CDH18: variants seen among roughly 807,000 people sequenced by gnomAD.
The protein encoded by CDH18 is cadherin-18.
CDH18 carries 31 observed loss-of-function variants against 67.9 expected under a neutral mutation model. The ratio of observed to expected loss-of-function variants is 0.46; its 90% confidence interval spans 0.34 to 0.62. The LOEUF is 0.62. Among genes scored for constraint, CDH18 ranks in the 20% least tolerant of loss-of-function variants. The probability of loss-of-function intolerance (pLI) is 0.01; values close to 1 mark genes in which losing one functional copy is unlikely to be tolerated. For synonymous variants in CDH18, 362 were observed against 347.2 expected (o/e 1.04, Z -0.48); for missense variants, 890 against 975.5 (o/e 0.91, Z 1.17).
intron 1 of CDH18, among the ~76,000 whole-genome samples, chr5:20,316,000 T>C (rs1203599014): frequency 6.6e-6 from 1 of 152,054 alleles, no homozygotes; most frequent in Non-Finnish European, 1.5e-5. Context: ...ATGACTAAAC[T>C]CTAGACAAGC....
chr5:20,439,544 T>G, intron 1 of CDH18, among the ~76,000 whole-genome samples: 1 of 151,666 alleles, frequency 6.6e-6, no homozygotes, highest in Admixed American at 6.6e-5. Context: ...TCTAGTTTAT[T>G]AACAGTATAT....
Position 19,962,728 on chromosome 5 carries a change from A to T in CDH18, c.-257+18332T>A, listed in dbSNP as rs570365587. The stretch of plus-strand genomic sequence containing the variant: ...GAGGCGGAGGTTGCAGTGAACCGAG[A>T]TTGCACCACCGCACTGCAGCCTGGG... On this transcript the variant is annotated intron_variant, in intron 2 of 12. Coordinates refer to ENST00000382275, the MANE Select transcript of CDH18 (RefSeq NM_004934.5). Among the ~76,000 whole-genome samples, 3 of 152,078 alleles carry T rather than the reference A, an allele frequency of 2.0e-5. 1 individual carries two copies. The South Asian group carries it at 6.2e-4, about 31-fold the overall frequency.
chr5:19,914,519 C>A (rs924439763), intron 2 of CDH18, among the ~76,000 whole-genome samples: 1 of 151,910 alleles, frequency 6.6e-6, no homozygotes, highest in African/African-American at 2.4e-5. Flanking sequence ...TGTATACATA[C>A]TTATATTGTA....
At chr5:20,552,806 T>G (rs1757706310) in intron 1 of CDH18, among the ~76,000 whole-genome samples, 1 of 151,964 alleles carries the variant, frequency 6.6e-6, no homozygotes, top group African/African-American at 2.4e-5. Context: ...CAGGCTGGAG[T>G]GCAGTGGCGT....
chr5:20,205,273 C>A (rs1739793945), intron 2 of CDH18, among the ~76,000 whole-genome samples: 1 of 151,756 alleles, frequency 6.6e-6, no homozygotes, highest in Non-Finnish European at 1.5e-5. Flanking sequence ...AAAGATTATA[C>A]CAAGAGACAA....
chr5:20,275,127 T>C (rs1266971739), intron 1 of CDH18, among the ~76,000 whole-genome samples: 1 of 152,122 alleles, frequency 6.6e-6, no homozygotes, highest in Non-Finnish European at 1.5e-5. Flanking sequence ...AGAAATGATA[T>C]TGGGACCTGA....
At chr5:19,994,238 C>T (rs1272008980) in intron 2 of CDH18, among the ~76,000 whole-genome samples, 2 of 146,676 alleles carry the variant, frequency 1.4e-5, no homozygotes, top group Non-Finnish European at 3.1e-5. Flanking sequence ...CATGTATATA[C>T]ACACACATAT....
chr5:19,652,650 G>A (rs1471847568), intron 5 of CDH18, among the ~76,000 whole-genome samples: 10 of 152,058 alleles, frequency 6.6e-5, no homozygotes, highest in African/African-American at 2.4e-4. Flanking sequence ...GTTGGGTGGT[G>A]AGGAGGTGAC....
intron 10 of CDH18, 60 bp from the exon 11 acceptor site, chr5:19,503,169 T>C: frequency 1.3e-6 from 1 of 798,088 alleles, no homozygotes; most frequent in Admixed American, 2.0e-5. Context: ...TTGATTTTAA[T>C]TACACTGTAT....
chr5:20,423,642 T>C (rs1160365028), intron 1 of CDH18, among the ~76,000 whole-genome samples: 1 of 150,430 alleles, frequency 6.6e-6, no homozygotes, highest in African/African-American at 2.5e-5. Context: ...GTAACAACGG[T>C]AGAATCAAAA....
At chr5:19,526,282 A>G (rs992075912) in intron 9 of CDH18, among the ~76,000 whole-genome samples, 13 of 152,126 alleles carry the variant, frequency 8.5e-5, no homozygotes, top group Non-Finnish European at 5.9e-5. Context: ...TCCAGCACCA[A>G]CTATGCTATA....
At chr5:19,613,675 A>G (rs1480512863) in intron 5 of CDH18, among the ~76,000 whole-genome samples, 1 of 152,144 alleles carries the variant, frequency 6.6e-6, no homozygotes, top group Admixed American at 6.5e-5. Flanking sequence ...ACATACATAA[A>G]TTTAATAGCT....
At position 19,954,919 on chromosome 5, in the gene CDH18, T is replaced by C. The variant is rs555170315; in HGVS notation, c.-257+26141A>G. 7.3e-4 allele frequency among the ~76,000 whole-genome samples: 111 copies of C among 151,962 alleles called. 1 individual carries two copies. The highest frequency in any genetic ancestry group is 2.5e-3 in the African/African-American group (102 of 41,452). ...AAGTGGAGTGAAGTTTAGGAGATAG[T>C]GAGTGATATCTTTTGGCTGTGTCTT... is the stretch of plus-strand genomic sequence containing the variant. On this transcript the variant is annotated intron_variant, in intron 2 of 12. Coordinates refer to ENST00000382275, the MANE Select transcript of CDH18 (RefSeq NM_004934.5).
At chr5:19,547,598 T>C (rs1038429550) in intron 8 of CDH18, among the ~76,000 whole-genome samples, 3 of 152,234 alleles carry the variant, frequency 2.0e-5, no homozygotes, top group Non-Finnish European at 4.4e-5. Flanking sequence ...CTTTCTAACA[T>C]AAGTGCTAAT....
intron 1 of CDH18, among the ~76,000 whole-genome samples, chr5:20,288,661 A>G (rs890689363): frequency 6.6e-6 from 1 of 151,858 alleles, no homozygotes; most frequent in Non-Finnish European, 1.5e-5. Context: ...AGAAGAGGAA[A>G]CATTTAATTT....
intron 1 of CDH18, among the ~76,000 whole-genome samples, chr5:20,403,468 A>G (rs1745956032): frequency 6.6e-6 from 1 of 152,206 alleles, no homozygotes; most frequent in Admixed American, 6.5e-5. Context: ...ACTCTGATCC[A>G]TAGGCTGAAG....
chr5:19,780,402 C>T (rs1490377197), intron 3 of CDH18, among the ~76,000 whole-genome samples: 1 of 152,112 alleles, frequency 6.6e-6, no homozygotes, highest in Non-Finnish European at 1.5e-5. Flanking sequence ...CACTTACTTT[C>T]ACATGTTAAT....
At chr5:20,135,643 G>GTT (rs1749645702) in intron 2 of CDH18, among the ~76,000 whole-genome samples, 1 of 152,036 alleles carries the variant, frequency 6.6e-6, no homozygotes, top group Non-Finnish European at 1.5e-5. Context: ...GCTTTTGAAT[G>GTT]TGTTTGCTCT....
chr5:20,529,586 C>T (rs2662006), intron 1 of CDH18, among the ~76,000 whole-genome samples: 63,811 of 151,832 alleles, frequency 0.42, 14,654 homozygotes, highest in East Asian at 0.56. Flanking sequence ...TGGTTTAACA[C>T]ACACAAATCA....
Sources: allele counts gnomAD v4.1 joint callset (sites outside exome capture counted in the v4.1 genomes callset), GRCh38; gene constraint gnomAD v4.1.1; transcripts MANE v1.5; gene names NCBI Gene and HGNC (gene_info 2026-07-23, HGNC 2026-07-21).